Variants in IP6K2 observed in about 807,000 individuals in gnomAD.
IP6K2 encodes inositol hexakisphosphate kinase 2.
A neutral mutation model predicts 43.3 loss-of-function variants in IP6K2; 9 were observed. The observed-to-expected ratio is 0.21, with a 90% CI of 0.13 to 0.36. The LOEUF (loss-of-function observed/expected upper bound fraction) is 0.36. Ranked by LOEUF, IP6K2 falls within the 10% of genes least tolerant of loss-of-function variation. The pLI is 1.00. For synonymous variants in IP6K2, 209 were observed against 202.4 expected (o/e 1.03, Z -0.28); for missense variants, 332 against 538.4 (o/e 0.62, Z 3.79).
At chr3:48,708,024 G>A (rs910257759) in intron 1 of IP6K2, 8 of 152,034 alleles carry the variant, frequency 5.3e-5, no homozygotes, top group African/African-American at 1.2e-4. Flanking sequence ...TCAGTCTACC[G>A]AGAAATATGT....
At chr3:48,710,612 G>C (rs1436293522) in intron 1 of IP6K2, among the ~76,000 whole-genome samples, 4 of 151,798 alleles carry the variant, frequency 2.6e-5, no homozygotes, top group Admixed American at 1.3e-4. Flanking sequence ...ATGTTCATTA[G>C]TTTAGTTTTT....
intron 2 of IP6K2, chr3:48,694,700 A>T: frequency 6.7e-7 from 1 of 1,503,714 alleles, no homozygotes; most frequent in Non-Finnish European, 8.8e-7. Flanking sequence ...CTACCTAATT[A>T]CCCGGGCTTC....
intron 1 of IP6K2, among the ~76,000 whole-genome samples, chr3:48,702,147 C>A (rs2079125140): frequency 6.6e-6 from 1 of 151,974 alleles, no homozygotes; most frequent in South Asian, 2.1e-4. Flanking sequence ...AGGAGAATTG[C>A]TTGAACCCAG....
intron 1 of IP6K2, among the ~76,000 whole-genome samples, chr3:48,697,308 C>T (rs1022153134): frequency 1.1e-4 from 16 of 151,318 alleles, no homozygotes; most frequent in Admixed American, 4.0e-4. Flanking sequence ...CGTGAGCCAC[C>T]GCGCCCGGCC....
At chr3:48,715,482 CA>C in intron 1 of IP6K2, 1 of 1,534,782 alleles carries the variant, frequency 6.5e-7, no homozygotes. Context: ...ACTGCTCAGA[CA>C]GATACAGGGC....
chr3:48,693,802 G>C, intron 2 of IP6K2: 2 of 1,077,494 alleles, frequency 1.9e-6, no homozygotes, highest in Non-Finnish European at 2.3e-6. Flanking sequence ...GGTCTTTGCA[G>C]TCTCACGTCA....
intron 1 of IP6K2, among the ~76,000 whole-genome samples, chr3:48,696,084 C>G (rs1214936411): frequency 6.6e-6 from 1 of 151,794 alleles, no homozygotes; most frequent in Non-Finnish European, 1.5e-5. Flanking sequence ...CGGGGTTTCA[C>G]CACGTTGGCT....
Position 48,688,838 on chromosome 3 carries a change from G to C in IP6K2, c.781-65C>G, listed in dbSNP as rs937424440. On this transcript the variant is annotated intron_variant, in intron 5 of 5. Coordinates refer to ENST00000328631, the MANE Select transcript of IP6K2 (RefSeq NM_016291.4). The surrounding 1 kb of genome is among the most constrained non-coding windows in gnomAD (Gnocchi z 5.1). ...TCTCAAACCCTGGACCCCGGGCGGG[G>C]GTGGGGTGGTGTGGTGGTGGCGGCA... 2 of 1,526,562 alleles carry C rather than the reference G, an allele frequency of 1.3e-6. No homozygotes were observed. Among genetic ancestry groups the C allele is most frequent in the Non-Finnish European group, 1.8e-6 (2 of 1,137,356 alleles). 94.6% of individuals were successfully genotyped at this position (1,526,562 alleles called of 1,614,324 possible).
intron 2 of IP6K2, chr3:48,693,455 A>C: frequency 7.3e-7 from 1 of 1,363,358 alleles, no homozygotes; most frequent in Non-Finnish European, 9.6e-7. Flanking sequence ...ACATTTTTCC[A>C]TCATTGAAAA....
At chr3:48,713,715 C>A (rs1223920217) in intron 1 of IP6K2, among the ~76,000 whole-genome samples, 1 of 149,548 alleles carries the variant, frequency 6.7e-6, no homozygotes, top group Non-Finnish European at 1.5e-5. Context: ...CCCAGCTACT[C>A]GGGAGGCTGA....
chr3:48,712,401 C>A (rs2080650966), intron 1 of IP6K2, among the ~76,000 whole-genome samples: 1 of 151,760 alleles, frequency 6.6e-6, no homozygotes, highest in African/African-American at 2.4e-5. Context: ...CACCACCACA[C>A]CCGGCTAATT....
At position 48,696,436 on chromosome 3, in the gene IP6K2, A is replaced by G. The variant is rs578130977; in HGVS notation, c.-130-1015T>C. Among the ~76,000 whole-genome samples the G allele has an allele frequency of 3.9e-5, 6 of 152,232 alleles. No homozygotes were observed. In the East Asian group the frequency reaches 1.2e-3, roughly 29 times the overall value. On this transcript the variant is annotated intron_variant, in intron 1 of 5. Transcript: ENST00000328631. ...AAGATACACAGTGTTCTAGGTCACTATTTTTATCAGTTCTATCCTGATCAC... is the reference window on the plus strand; with the variant it reads ...AAGATACACAGTGTTCTAGGTCACTGTTTTTATCAGTTCTATCCTGATCAC...
At chr3:48,705,514 C>T (rs1012118187) in intron 1 of IP6K2, among the ~76,000 whole-genome samples, 1 of 151,888 alleles carries the variant, frequency 6.6e-6, no homozygotes, top group Non-Finnish European at 1.5e-5. Context: ...CAGCCAGTCT[C>T]TAAATAATTT....
At chr3:48,712,560 T>A (rs547380102) in intron 1 of IP6K2, among the ~76,000 whole-genome samples, 67 of 152,022 alleles carry the variant, frequency 4.4e-4, no homozygotes, top group African/African-American at 1.6e-3. Flanking sequence ...ATAAAATTTT[T>A]AAAATGAGCT....
At chr3:48,694,550 A>G (rs757233119) in intron 2 of IP6K2, 1 of 1,521,372 alleles carries the variant, frequency 6.6e-7, no homozygotes, top group African/African-American at 1.4e-5. Context: ...ATAAAAAGAA[A>G]TAAAAAATTA....
intron 3 of IP6K2, among the ~76,000 whole-genome samples, chr3:48,691,847 A>G (rs1022072027): frequency 6.6e-6 from 1 of 151,800 alleles, no homozygotes; most frequent in African/African-American, 2.4e-5. Flanking sequence ...AAATCCAGAA[A>G]CTTTCTTTTT....
chr3:48,698,416 T>TAGGA (rs2078649995), intron 1 of IP6K2, among the ~76,000 whole-genome samples: 4 of 152,140 alleles, frequency 2.6e-5, no homozygotes, highest in Admixed American at 6.5e-5. Context: ...GAGACCAAGG[T>TAGGA]AGGAGATCAC....
At chr3:48,709,430 C>T (rs1391867859) in intron 1 of IP6K2, among the ~76,000 whole-genome samples, 5 of 152,210 alleles carry the variant, frequency 3.3e-5, no homozygotes, top group African/African-American at 4.8e-5. Context: ...ACTCCAGGTT[C>T]GTGGCAGCAA....
chr3:48,696,175 A>G (rs1443177200), intron 1 of IP6K2, among the ~76,000 whole-genome samples: 1 of 151,722 alleles, frequency 6.6e-6, no homozygotes, highest in Non-Finnish European at 1.5e-5. Flanking sequence ...GAGCGACCGC[A>G]CCCAGCCCCA....
Sources: allele counts gnomAD v4.1 joint callset (sites outside exome capture counted in the v4.1 genomes callset), GRCh38; gene constraint gnomAD v4.1.1; non-coding constraint Gnocchi (gnomAD v3.1); transcripts MANE v1.5; gene names NCBI Gene and HGNC (gene_info 2026-07-23, HGNC 2026-07-21).